The following NAP1L1 variants were observed in gnomAD, a reference collection of about 807,000 sequenced individuals.
NAP1L1 encodes the protein nucleosome assembly protein 1-like 1.
NAP1L1 carries 9 observed loss-of-function variants against 58.9 expected under a neutral mutation model. That is an observed-to-expected ratio of 0.15 (90% CI 0.09 to 0.27). NAP1L1 has a LOEUF of 0.27. NAP1L1 is among the 10% of genes least tolerant of loss of function. The probability of loss-of-function intolerance (pLI) is 1.00; values close to 1 mark genes in which losing one functional copy is unlikely to be tolerated. For synonymous variants in NAP1L1, 130 were observed against 138.3 expected (o/e 0.94, Z 0.42); for missense variants, 302 against 458.8 (o/e 0.66, Z 3.12).
At chr12:76,084,303 C>T (rs1222246976) in intron 1 of NAP1L1, among the ~76,000 whole-genome samples, 2 of 152,150 alleles carry the variant, frequency 1.3e-5, no homozygotes. Flanking sequence ...GCTCAGAGAA[C>T]CTTAGGCCTC....
chr12:76,066,033 A>C (rs1949649193), intron 4 of NAP1L1, among the ~76,000 whole-genome samples: 1 of 150,156 alleles, frequency 6.7e-6, no homozygotes. Flanking sequence ...GGAACAATGG[A>C]TTGATTAGTG....
At chr12:76,057,851 AAC>A (rs2136999535) in intron 6 of NAP1L1, 1 of 1,497,652 alleles carries the variant, frequency 6.7e-7, no homozygotes, top group Non-Finnish European at 9.1e-7. Context: ...GGTCAAATAA[AAC>A]AAAAAAACAA....
intron 4 of NAP1L1, among the ~76,000 whole-genome samples, chr12:76,065,506 C>A (rs554295870): frequency 7.0e-6 from 1 of 142,854 alleles, no homozygotes; most frequent in Non-Finnish European, 1.5e-5. Context: ...ATAAATTTAG[C>A]AAAGTTACTG....
chr12:76,063,029 C>T (rs1949489156), intron 4 of NAP1L1, among the ~76,000 whole-genome samples: 1 of 152,056 alleles, frequency 6.6e-6, no homozygotes, highest in South Asian at 2.1e-4. Flanking sequence ...TATTTCATAA[C>T]CAAACTATTA....
intron 4 of NAP1L1, among the ~76,000 whole-genome samples, chr12:76,064,694 T>C (rs1409384097): frequency 6.6e-6 from 1 of 151,998 alleles, no homozygotes; most frequent in Non-Finnish European, 1.5e-5. Flanking sequence ...TTTAAAACTA[T>C]TGTAAACTAT....
intron 4 of NAP1L1, 65 bp downstream of exon 4, chr12:76,067,306 T>C: frequency 8.1e-7 from 1 of 1,242,084 alleles, no homozygotes; most frequent in South Asian, 1.3e-5. Context: ...TAGATGGTCT[T>C]AAAAATAGAT....
chr12:76,079,392 C>A (rs764762527), intron 1 of NAP1L1, among the ~76,000 whole-genome samples: 2 of 151,894 alleles, frequency 1.3e-5, no homozygotes, highest in Non-Finnish European at 2.9e-5. Context: ...CCTAGCTACT[C>A]GGGAGACTGA....
At chr12:76,059,588 C>T (rs191842194) in intron 6 of NAP1L1, 7 of 465,866 alleles carry the variant, frequency 1.5e-5, no homozygotes, top group South Asian at 5.9e-5. Context: ...CCCATGAAAC[C>T]GCTGCTTATT....
chr12:76,054,959 C>T (rs1355083872), intron 8 of NAP1L1, 60 bp downstream of exon 8: 2 of 1,239,090 alleles, frequency 1.6e-6, no homozygotes, highest in East Asian at 2.4e-5. Flanking sequence ...TTTTTAAAAG[C>T]TTCTATTTAT....
At chr12:76,049,007 T>C in intron 14 of NAP1L1, 193 bp downstream of exon 14, 1 of 569,160 alleles carries the variant, frequency 1.8e-6, no homozygotes, top group Non-Finnish European at 3.0e-6. Context: ...CAAAAAACAA[T>C]GTTTTTTAGA....
intron 6 of NAP1L1, among the ~76,000 whole-genome samples, chr12:76,059,088 T>C (rs1949283185): frequency 6.6e-6 from 1 of 152,234 alleles, no homozygotes; most frequent in African/African-American, 2.4e-5. Context: ...AACTTATGGA[T>C]GAAAGTATTC....
At chr12:76,058,194 CATATATATATATATATATAT>C (rs3082540) in intron 6 of NAP1L1, 18 of 371,056 alleles carry the variant, frequency 4.9e-5, no homozygotes, top group Admixed American at 2.8e-4. Flanking sequence ...GAGAGGCCTA[CATATATATATATATATATAT>C]ATATATATAT....
At chr12:76,077,192 G>T (rs1356679158) in intron 1 of NAP1L1, among the ~76,000 whole-genome samples, 1 of 152,168 alleles carries the variant, frequency 6.6e-6, no homozygotes, top group Admixed American at 6.5e-5. Flanking sequence ...TTCTTAAAAT[G>T]AAACTTTAGT....
intron 4 of NAP1L1, 43 bp from the exon 5 acceptor site, chr12:76,060,322 G>T (rs774222326): frequency 6.3e-7 from 1 of 1,582,566 alleles, no homozygotes; most frequent in South Asian, 1.2e-5. Flanking sequence ...GAGTAAAATG[G>T]AAGTCACACT....
intron 11 of NAP1L1, among the ~76,000 whole-genome samples, chr12:76,051,376 A>T (rs1948820393): frequency 6.6e-6 from 1 of 152,172 alleles, no homozygotes; most frequent in African/African-American, 2.4e-5. Context: ...GTTATTGTTA[A>T]TATTGTTAAG....
chr12:76,071,137 C>T (rs1341411727), intron 2 of NAP1L1, among the ~76,000 whole-genome samples: 1 of 152,176 alleles, frequency 6.6e-6, no homozygotes, highest in East Asian at 1.9e-4. Flanking sequence ...GATGCAAACT[C>T]ATGGATGCTG....
In NAP1L1 at chr12:76,048,272, T is replaced by C; in HGVS notation, c.*157A>G. On this transcript the variant is annotated 3_prime_UTR_variant, in exon 15 of 15. Transcript: ENST00000618691. ...CAGAAAAACTAGTTAAAATGCTAGGTAGAACAAATTGGTCTTTAAAATATC... is the reference window on the plus strand; with the variant it reads ...CAGAAAAACTAGTTAAAATGCTAGGCAGAACAAATTGGTCTTTAAAATATC... 1 of 706,068 alleles carries C rather than the reference T, an allele frequency of 1.4e-6. No homozygotes were observed. Among genetic ancestry groups the C allele is most frequent in the Non-Finnish European group, 2.3e-6 (1 of 431,122 alleles). 43.7% of individuals were successfully genotyped at this position (706,068 alleles called of 1,614,324 possible).
chr12:76,058,682 G>A (rs531676785), intron 6 of NAP1L1, among the ~76,000 whole-genome samples: 1 of 152,148 alleles, frequency 6.6e-6, no homozygotes, highest in African/African-American at 2.4e-5. Context: ...CACTGCGCCT[G>A]GCCTTTCTCT....
chr12:76,050,696 T>C, intron 11 of NAP1L1, 43 bp from the exon 12 acceptor site: 1 of 1,580,968 alleles, frequency 6.3e-7, no homozygotes, highest in Non-Finnish European at 8.6e-7. Flanking sequence ...TAGGAATAAC[T>C]GTGTTACTTA....
Sources: allele counts gnomAD v4.1 joint callset (sites outside exome capture counted in the v4.1 genomes callset), GRCh38; gene constraint gnomAD v4.1.1; transcripts MANE v1.5; gene names NCBI Gene and HGNC (gene_info 2026-07-23, HGNC 2026-07-21).